The following RB1 variants were observed in gnomAD, a reference collection of about 807,000 sequenced individuals.
RB1 encodes RB transcriptional corepressor 1.
In RB1, 18 loss-of-function variants were observed where a neutral mutation model predicts 135.4. That is an observed-to-expected ratio of 0.13 (90% CI 0.09 to 0.20). The LOEUF (loss-of-function observed/expected upper bound fraction) is 0.20. RB1 is among the 10% of genes least tolerant of loss of function. The pLI is 1.00. For synonymous variants in RB1, 365 were observed against 373.2 expected (o/e 0.98, Z 0.25); for missense variants, 868 against 1,110.0 (o/e 0.78, Z 3.10).
At chr13:48,307,001 C>T (rs1387921564) in intron 1 of RB1, among the ~76,000 whole-genome samples, 1 of 152,142 alleles carries the variant, frequency 6.6e-6, no homozygotes, top group Non-Finnish European at 1.5e-5. Flanking sequence ...ATTTACTTTC[C>T]TTCACAGAAG....
At chr13:48,412,141 G>T (rs142504579) in intron 17 of RB1, 9 of 1,613,744 alleles carry the variant, frequency 5.6e-6, no homozygotes, top group Non-Finnish European at 7.6e-6. Context: ...GTATAAAACA[G>T]CATCACAGAA....
At chr13:48,439,147 C>T (rs980995151) in intron 17 of RB1, among the ~76,000 whole-genome samples, 1 of 152,096 alleles carries the variant, frequency 6.6e-6, no homozygotes, top group Non-Finnish European at 1.5e-5. Flanking sequence ...AACAGGTAGA[C>T]TTGGGTTTGA....
chr13:48,413,125 G>T (rs893625069), intron 17 of RB1: 11 of 167,102 alleles, frequency 6.6e-5, no homozygotes, highest in African/African-American at 2.7e-4. Context: ...AAGTGAAAAA[G>T]AAAGGCTTCC....
At chr13:48,367,393 T>G (rs1952713450) in intron 9 of RB1, 101 bp from the exon 10 acceptor site, 3 of 1,269,982 alleles carry the variant, frequency 2.4e-6, no homozygotes, top group African/African-American at 3.0e-5. Context: ...CAAAATTAAA[T>G]GTATATTATA....
chr13:48,453,283 A>C (rs1949340176), intron 18 of RB1, among the ~76,000 whole-genome samples, 172 bp downstream of exon 18: 1 of 152,204 alleles, frequency 6.6e-6, no homozygotes, highest in African/African-American at 2.4e-5. Context: ...AGTCATATAA[A>C]AGAGTACAGA....
Position 48,355,336 on chromosome 13 carries a change from T to TCAGAGAAATGCAAATCAAATCAAAA in RB1, c.608-4662_608-4661insTCAAAACAGAGAAATGCAAATCAAA, listed in dbSNP as rs1342549957. On this transcript the variant is annotated intron_variant, in intron 6 of 26. Coordinates refer to ENST00000267163, the MANE Select transcript of RB1 (RefSeq NM_000321.3). ...AAAAGGTGCTCAACATCAGTGATCA[T>TCAGAGAAATGCAAATCAAATCAAAA]CAGAGAAATGCAAATCAAAACTACA... Among the ~76,000 whole-genome samples, 6 of 152,100 alleles carry TCAGAGAAATGCAAATCAAATCAAAA rather than the reference T, an allele frequency of 3.9e-5. No individual in the cohort carries two copies. In the East Asian group the frequency reaches 1.2e-3, roughly 29 times the overall value.
intron 7 of RB1, among the ~76,000 whole-genome samples, chr13:48,361,091 A>C (rs192667325): frequency 6.6e-6 from 1 of 152,242 alleles, no homozygotes; most frequent in African/African-American, 2.4e-5. Context: ...GAAATAAAAA[A>C]AATTCTATAT....
At chr13:48,459,431 G>A (rs1041047244) in intron 19 of RB1, among the ~76,000 whole-genome samples, 13 of 152,130 alleles carry the variant, frequency 8.5e-5, no homozygotes, top group Non-Finnish European at 1.8e-4. Context: ...TAGCATGCCT[G>A]GGGAGGGCAA....
At chr13:48,434,880 T>C (rs562069122) in intron 17 of RB1, among the ~76,000 whole-genome samples, 1 of 152,372 alleles carries the variant, frequency 6.6e-6, no homozygotes, top group Non-Finnish European at 1.5e-5. Flanking sequence ...ATTCACGATA[T>C]TGCATGTATC....
At position 48,303,855 on chromosome 13, in the gene RB1, G is replaced by A. The variant is rs2138026634; in HGVS notation, c.-58G>A. The A allele has an allele frequency of 6.7e-7, 1 of 1,499,864 alleles. No homozygotes were observed. Among genetic ancestry groups the A allele is most frequent in the Non-Finnish European group, 8.8e-7 (1 of 1,131,794 alleles). 92.9% of individuals were successfully genotyped at this position (1,499,864 alleles called of 1,614,324 possible). A position where few individuals can be genotyped will look rare whatever the true frequency, so the allele number is the denominator to read the frequency against. ...ACGGGGCGTGCCCCGACGTGCGCGC[G>A]CGTCGTCCTCCCCGGCGCTCCTCCA... On this transcript the variant is annotated 5_prime_UTR_variant, in exon 1 of 27. Coordinates refer to ENST00000267163, the MANE Select transcript of RB1 (RefSeq NM_000321.3).
chr13:48,473,275 G>T, intron 23 of RB1, 85 bp from the exon 24 acceptor site: 1 of 1,076,014 alleles, frequency 9.3e-7, no homozygotes. Flanking sequence ...ATTCCTAATA[G>T]TTCAGAATGA....
chr13:48,344,033 A>G (rs1952470713), intron 3 of RB1, among the ~76,000 whole-genome samples: 1 of 152,178 alleles, frequency 6.6e-6, no homozygotes, highest in Admixed American at 6.5e-5. Context: ...GGGTCAGGTG[A>G]CTATCTTTTG....
intron 2 of RB1, among the ~76,000 whole-genome samples, chr13:48,312,960 C>A (rs572168026): frequency 1.3e-5 from 2 of 152,220 alleles, no homozygotes; most frequent in African/African-American, 4.8e-5. Context: ...TAACACCCTC[C>A]CATGCTCCCA....
At chr13:48,437,514 C>A (rs1949195997) in intron 17 of RB1, among the ~76,000 whole-genome samples, 1 of 152,178 alleles carries the variant, frequency 6.6e-6, no homozygotes, top group Admixed American at 6.5e-5. Context: ...ATGAGAGATT[C>A]TTAAATTGTC....
At chr13:48,309,940 T>C (rs1952117438) in intron 2 of RB1, among the ~76,000 whole-genome samples, 1 of 152,182 alleles carries the variant, frequency 6.6e-6, no homozygotes, top group Admixed American at 6.5e-5. Context: ...TGGCCCAGTT[T>C]GAATCTTATT....
chr13:48,426,855 T>C (rs931678554), intron 17 of RB1: 3 of 152,258 alleles, frequency 2.0e-5, no homozygotes, highest in African/African-American at 7.2e-5. Flanking sequence ...TTTAGTTGGC[T>C]CACGGTTCTT....
intron 17 of RB1, among the ~76,000 whole-genome samples, chr13:48,433,042 C>G (rs1298917961): frequency 6.6e-6 from 1 of 152,012 alleles, no homozygotes; most frequent in Non-Finnish European, 1.5e-5. Flanking sequence ...TCTACTGTGT[C>G]TTATAAACTC....
chr13:48,366,496 G>T (rs530692318), intron 9 of RB1, among the ~76,000 whole-genome samples: 2 of 152,246 alleles, frequency 1.3e-5, no homozygotes, highest in South Asian at 4.1e-4. Context: ...CTTCTCTGAG[G>T]TTGGAATCAC....
intron 17 of RB1, among the ~76,000 whole-genome samples, chr13:48,418,085 T>G (rs1026623897): frequency 1.3e-5 from 2 of 152,088 alleles, no homozygotes; most frequent in African/African-American, 2.4e-5. Context: ...ATCGTCAGAT[T>G]CACCAAGGTT....
Sources: allele counts gnomAD v4.1 joint callset (sites outside exome capture counted in the v4.1 genomes callset), GRCh38; gene constraint gnomAD v4.1.1; transcripts MANE v1.5; gene names NCBI Gene and HGNC (gene_info 2026-07-23, HGNC 2026-07-21).